RBFOX1: variants seen among roughly 807,000 people sequenced by gnomAD.
RBFOX1 encodes the protein RNA binding protein fox-1 homolog 1.
RBFOX1 carries 8 observed loss-of-function variants against 57.7 expected under a neutral mutation model. The ratio of observed to expected loss-of-function variants is 0.14; its 90% CI spans 0.08 to 0.25. The LOEUF (loss-of-function observed/expected upper bound fraction) is 0.25, where lower values mean the gene tolerates loss of function less well. Among genes scored for constraint, RBFOX1 ranks in the 10% least tolerant of loss-of-function variants. RBFOX1 has a pLI of 1.00. For synonymous variants in RBFOX1, 326 were observed against 222.4 expected (o/e 1.47, Z -4.15); for missense variants, 611 against 548.5 (o/e 1.11, Z -1.14).
chr16:6,253,977 T>C (rs1042849768), intron 1 of RBFOX1, among the ~76,000 whole-genome samples: 5 of 152,094 alleles, frequency 3.3e-5, no homozygotes, highest in African/African-American at 1.2e-4. Flanking sequence ...AGAACTCTTA[T>C]AAAGAACCAG....
At chr16:5,406,105 C>A (rs1404543965) in intron 1 of RBFOX1, among the ~76,000 whole-genome samples, 1 of 152,154 alleles carries the variant, frequency 6.6e-6, no homozygotes, top group Non-Finnish European at 1.5e-5. Flanking sequence ...TCTGATTATT[C>A]TTTTATTCAT....
chr16:7,351,151 G>A (rs1430447692), intron 4 of RBFOX1, among the ~76,000 whole-genome samples: 1 of 152,172 alleles, frequency 6.6e-6, no homozygotes, highest in Admixed American at 6.5e-5. Context: ...ATGACCACAG[G>A]GGACAACTTG....
chr16:6,007,331 C>G (rs1325990474), intron 4 of RBFOX1, among the ~76,000 whole-genome samples: 1 of 152,190 alleles, frequency 6.6e-6, no homozygotes, highest in African/African-American at 2.4e-5. Flanking sequence ...TCCTGAGCTG[C>G]CCACTGGAGA....
chr16:7,504,906 A>G (rs542427728), intron 4 of RBFOX1, among the ~76,000 whole-genome samples: 1 of 147,450 alleles, frequency 6.8e-6, no homozygotes, highest in South Asian at 2.1e-4. Flanking sequence ...AGGCAATAAT[A>G]CGGCATTTGA....
At chr16:6,056,787 A>T (rs1465172507) in intron 1 of RBFOX1, among the ~76,000 whole-genome samples, 1 of 152,180 alleles carries the variant, frequency 6.6e-6, no homozygotes, top group Admixed American at 6.5e-5. Flanking sequence ...ATATGGATCA[A>T]CAGTGATAAA....
chr16:6,977,685 C>G (rs961504740), intron 3 of RBFOX1, among the ~76,000 whole-genome samples: 2 of 152,094 alleles, frequency 1.3e-5, no homozygotes, highest in Admixed American at 1.3e-4. Flanking sequence ...AGCACATTAG[C>G]ACTTGGTGAA....
In RBFOX1 at chr16:5,501,389, C is replaced by T. The variant is rs2043193169; in HGVS notation, c.258+34135C>T. Among the ~76,000 whole-genome samples the T allele has an allele frequency of 2.0e-5, 3 of 151,232 alleles. No homozygotes were observed. In the South Asian group the frequency reaches 6.3e-4, roughly 32 times the overall value. On this transcript the variant is annotated intron_variant, in intron 2 of 2. Transcript: ENST00000585867. Reference sequence around the variant, plus strand: ...TCTATTCCCCAGCCAAGCAGGCTCCCACATTTCTAAATGAATGAATAGCAG... The same window carrying T: ...TCTATTCCCCAGCCAAGCAGGCTCCTACATTTCTAAATGAATGAATAGCAG...
intron 3 of RBFOX1, among the ~76,000 whole-genome samples, chr16:6,828,156 C>T (rs1398974559): frequency 6.6e-6 from 1 of 152,088 alleles, no homozygotes; most frequent in African/African-American, 2.4e-5. Context: ...AGGAGGAAGG[C>T]CAGTGACTCA....
chr16:5,887,278 C>T (rs1043887964), intron 4 of RBFOX1, among the ~76,000 whole-genome samples: 2 of 152,202 alleles, frequency 1.3e-5, no homozygotes, highest in African/African-American at 4.8e-5. Context: ...TGGCCCTGGA[C>T]ACCACAGCAG....
At chr16:5,427,670 A>T (rs1344081169) in intron 1 of RBFOX1, among the ~76,000 whole-genome samples, 2 of 152,156 alleles carry the variant, frequency 1.3e-5, no homozygotes, top group African/African-American at 4.8e-5. Context: ...CTCAGGACAT[A>T]GACAAGGTTA....
chr16:5,769,415 T>C (rs946463503), intron 3 of RBFOX1, among the ~76,000 whole-genome samples: 1 of 150,032 alleles, frequency 6.7e-6, no homozygotes, highest in East Asian at 2.0e-4. Flanking sequence ...CTGAAGCAGG[T>C]GGATCACTTG....
chr16:5,500,530 G>A (rs879884571), intron 2 of RBFOX1, among the ~76,000 whole-genome samples: 2 of 152,126 alleles, frequency 1.3e-5, no homozygotes, highest in African/African-American at 2.4e-5. Flanking sequence ...CCGAGTATCA[G>A]GCTTTCAAAT....
intron 4 of RBFOX1, among the ~76,000 whole-genome samples, chr16:7,189,546 T>G (rs2084826368): frequency 1.6e-5 from 2 of 124,386 alleles, no homozygotes; most frequent in East Asian, 4.7e-4. Context: ...AAACACTATG[T>G]CCCCCAAAAC....
At chr16:5,997,466 A>G (rs924958364) in intron 4 of RBFOX1, among the ~76,000 whole-genome samples, 1 of 152,192 alleles carries the variant, frequency 6.6e-6, no homozygotes, top group Non-Finnish European at 1.5e-5. Flanking sequence ...GCTCTGTGAT[A>G]TGAAGGTGGG....
At chr16:5,311,649 T>C (rs2064092215) in intron 1 of RBFOX1, among the ~76,000 whole-genome samples, 1 of 152,208 alleles carries the variant, frequency 6.6e-6, no homozygotes, top group African/African-American at 2.4e-5. Flanking sequence ...TGATGATGAG[T>C]TATGTTGAGA....
chr16:7,262,520 C>T (rs1350257110), intron 4 of RBFOX1, among the ~76,000 whole-genome samples: 6 of 152,334 alleles, frequency 3.9e-5, no homozygotes, highest in African/African-American at 1.4e-4. Context: ...TGCAATGAGC[C>T]ACATTTGCAG....
intron 2 of RBFOX1, among the ~76,000 whole-genome samples, chr16:6,335,118 C>A (rs1490253585): frequency 1.3e-5 from 2 of 152,208 alleles, no homozygotes; most frequent in Non-Finnish European, 2.9e-5. Context: ...GGGAATACTG[C>A]TTGCTTAGCG....
At chr16:6,504,493 A>G (rs1415473484) in intron 2 of RBFOX1, among the ~76,000 whole-genome samples, 1 of 152,184 alleles carries the variant, frequency 6.6e-6, no homozygotes, top group Non-Finnish European at 1.5e-5. Flanking sequence ...AGACCTTTGT[A>G]ATGTGAAACT....
At chr16:5,536,638 G>A (rs2044709121) in intron 2 of RBFOX1, among the ~76,000 whole-genome samples, 1 of 152,110 alleles carries the variant, frequency 6.6e-6, no homozygotes, top group Non-Finnish European at 1.5e-5. Flanking sequence ...CTGCATAAAT[G>A]GGAGACAAGC....
Sources: allele counts gnomAD v4.1 joint callset (sites outside exome capture counted in the v4.1 genomes callset), GRCh38; gene constraint gnomAD v4.1.1; transcripts MANE v1.5; gene names NCBI Gene and HGNC (gene_info 2026-07-23, HGNC 2026-07-21).